NAALADL2: variants seen among roughly 807,000 people sequenced by gnomAD.
The protein encoded by NAALADL2 is inactive N-acetylated-alpha-linked acidic dipeptidase-like protein 2.
A neutral mutation model predicts 87.2 loss-of-function variants in NAALADL2; 76 were observed. The observed-to-expected ratio is 0.87, with a 90% CI of 0.72 to 1.05. The LOEUF (loss-of-function observed/expected upper bound fraction) is 1.05. NAALADL2 is among the 50% of genes least tolerant of loss of function. The pLI, the probability that NAALADL2 is intolerant of heterozygous loss-of-function variation, is 0.00. For missense variants in NAALADL2, 1,089 were observed against 945.8 expected (o/e 1.15, Z -1.99); for synonymous variants, 354 against 331.0 (o/e 1.07, Z -0.75).
chr3:175,730,433 TATATATATATAC>T lies in NAALADL2; in HGVS notation c.1897-6871_1897-6860del, dbSNP rs1476002103. On this transcript the variant is annotated intron_variant, in intron 11 of 13. Coordinates refer to ENST00000454872, the MANE Select transcript of NAALADL2 (RefSeq NM_207015.3). Reference sequence around the variant, plus strand: ...ATATATATATATATATATATATATATATATATATATACACACATACACACGCACACACACACG... The same window carrying T: ...ATATATATATATATATATATATATATACACATACACACGCACACACACACG... Among the ~76,000 whole-genome samples the T allele has an allele frequency of 2.6e-3, 215 of 84,026 alleles. 2 individuals carry two copies. The highest frequency in any genetic ancestry group is 6.8e-3 in the Middle Eastern group (1 of 148). The allele number at this position is 84,026 out of a possible 152,430, so 55.1% of individuals were successfully genotyped here.
chr3:175,046,853 C>T lies in NAALADL2; in HGVS notation c.44-49937C>T, dbSNP rs114166969. On this transcript the variant is annotated intron_variant, in intron 1 of 13. Coordinates refer to ENST00000454872, the MANE Select transcript of NAALADL2 (RefSeq NM_207015.3). ...TAGTGAAAGCCAGCAACCTAGAAGTCGGCCTTGGTCTGTTTAGGCTATTAC... is the reference window on the plus strand; with the variant it reads ...TAGTGAAAGCCAGCAACCTAGAAGTTGGCCTTGGTCTGTTTAGGCTATTAC... Among the ~76,000 whole-genome samples, 128 of 152,244 alleles carry T rather than the reference C, an allele frequency of 8.4e-4. 1 individual carries two copies. The highest frequency in any genetic ancestry group is 2.8e-3 in the African/African-American group (118 of 41,532).
At chr3:174,694,528 T>C (rs754656912) in intron 2 of NAALADL2, among the ~76,000 whole-genome samples, 1 of 152,060 alleles carries the variant, frequency 6.6e-6, no homozygotes, top group Admixed American at 6.6e-5. Context: ...AGGCTTCACT[T>C]TGAGGGCAGT....
intron 3 of NAALADL2, among the ~76,000 whole-genome samples, chr3:174,802,013 T>G (rs1253893147): frequency 6.6e-6 from 1 of 152,098 alleles, no homozygotes; most frequent in African/African-American, 2.4e-5. Context: ...TTACCCACAT[T>G]TTAAAAATAC....
At chr3:175,798,071 G>A (rs1317769235) in intron 13 of NAALADL2, among the ~76,000 whole-genome samples, 1 of 151,910 alleles carries the variant, frequency 6.6e-6, no homozygotes, top group Non-Finnish European at 1.5e-5. Flanking sequence ...TATGTAAGCA[G>A]GAAGCTAAGT....
intron 1 of NAALADL2, among the ~76,000 whole-genome samples, chr3:175,082,042 ATGTGTATGTGTGTGTG>A (rs1717952395): frequency 1.7e-5 from 2 of 120,542 alleles, no homozygotes; most frequent in Admixed American, 1.7e-4. Context: ...TTGTGTGTGT[ATGTGTATGTGTGTGTG>A]TGTGTATGTG....
chr3:175,670,426 A>T (rs1733791891), intron 11 of NAALADL2, among the ~76,000 whole-genome samples: 1 of 145,878 alleles, frequency 6.9e-6, no homozygotes, highest in Non-Finnish European at 1.5e-5. Context: ...TAAATTTAAT[A>T]TATTTATATT....
intron 2 of NAALADL2, among the ~76,000 whole-genome samples, chr3:174,677,810 A>G (rs367647795): frequency 2.6e-5 from 4 of 152,048 alleles, no homozygotes; most frequent in Non-Finnish European, 4.4e-5. Context: ...GCCGTCTTGC[A>G]TCTAGAAATA....
At chr3:175,250,169 T>TAA (rs746924726) in intron 3 of NAALADL2, among the ~76,000 whole-genome samples, 15 of 124,700 alleles carry the variant, frequency 1.2e-4, no homozygotes, top group African/African-American at 3.8e-4. Flanking sequence ...AATTCGGTCT[T>TAA]AAAAAAAAAA....
intron 2 of NAALADL2, among the ~76,000 whole-genome samples, chr3:174,730,268 A>T (rs1186730995): frequency 6.6e-6 from 1 of 151,970 alleles, no homozygotes; most frequent in Non-Finnish European, 1.5e-5. Flanking sequence ...TCCTCTTTGA[A>T]TTTGTTCTGT....
chr3:174,828,511 A>T (rs1722253175), intron 3 of NAALADL2, among the ~76,000 whole-genome samples: 1 of 152,194 alleles, frequency 6.6e-6, no homozygotes, highest in Non-Finnish European at 1.5e-5. Flanking sequence ...AGTGAAACTA[A>T]AGTTGCTGTA....
At chr3:174,806,626 T>C (rs1719535349) in intron 3 of NAALADL2, among the ~76,000 whole-genome samples, 1 of 152,214 alleles carries the variant, frequency 6.6e-6, no homozygotes. Flanking sequence ...CAGAGATTTG[T>C]CCAGATGCAC....
chr3:175,335,706 T>C (rs537192951), intron 5 of NAALADL2, among the ~76,000 whole-genome samples: 28 of 152,338 alleles, frequency 1.8e-4, no homozygotes, highest in African/African-American at 5.0e-4. Context: ...ACAATTTCAT[T>C]TGAGAGATGT....
rs528223583 is a variant in NAALADL2 at position 175,689,994 on chromosome 3, C to T, written c.1897-47312C>T. Among the ~76,000 whole-genome samples, 5 of 152,120 alleles carry T rather than the reference C, an allele frequency of 3.3e-5. No homozygotes were observed. The South Asian group carries it at 1.0e-3, about 32-fold the overall frequency. On this transcript the variant is annotated intron_variant, in intron 11 of 13. Coordinates refer to ENST00000454872, the MANE Select transcript of NAALADL2 (RefSeq NM_207015.3). Reference sequence around the variant, plus strand: ...ATATACTGAAATGCCCTTCAGAAAACCACGGAGCTTTCATAATACTTCCTG... The same window carrying T: ...ATATACTGAAATGCCCTTCAGAAAATCACGGAGCTTTCATAATACTTCCTG...
chr3:174,811,565 C>T (rs1320096170), intron 3 of NAALADL2, among the ~76,000 whole-genome samples: 3 of 152,178 alleles, frequency 2.0e-5, no homozygotes, highest in Non-Finnish European at 4.4e-5. Flanking sequence ...AATGCCTATA[C>T]CCCTGTTGTA....
chr3:174,709,332 T>A lies in NAALADL2; in HGVS notation c.-114-28309T>A, dbSNP rs555611120. ...GTGTCTTTCATCATGTTCATTGTTA[T>A]AATATAAAAATATATCCACTGCTAG... On this transcript the variant is annotated intron_variant, in intron 2 of 3. Transcript: ENST00000434257. 2.0e-5 allele frequency among the ~76,000 whole-genome samples: 3 copies of A among 152,260 alleles called. No homozygotes were observed. In the East Asian group the frequency reaches 5.8e-4, roughly 29 times the overall value.
At chr3:174,612,014 G>A (rs1305864463) in intron 2 of NAALADL2, among the ~76,000 whole-genome samples, 1 of 151,600 alleles carries the variant, frequency 6.6e-6, no homozygotes, top group African/African-American at 2.4e-5. Context: ...CTTTGTCTGA[G>A]AAAATCTTTA....
At chr3:174,761,786 A>T (rs530677001) in intron 3 of NAALADL2, among the ~76,000 whole-genome samples, 5 of 116,834 alleles carry the variant, frequency 4.3e-5, no homozygotes, top group Non-Finnish European at 8.3e-5. Flanking sequence ...CAGTCCCTGG[A>T]GTGTGATGTT....
At chr3:175,416,699 G>T (rs116232342) in intron 5 of NAALADL2, among the ~76,000 whole-genome samples, 1 of 152,048 alleles carries the variant, frequency 6.6e-6, no homozygotes. Flanking sequence ...TGTCACTAGC[G>T]TGTAAACTTT....
At chr3:175,476,689 C>T (rs936964159) in intron 9 of NAALADL2, among the ~76,000 whole-genome samples, 2 of 152,068 alleles carry the variant, frequency 1.3e-5, no homozygotes, top group Non-Finnish European at 2.9e-5. Context: ...TGTGTGAGGG[C>T]GACTAAAATG....
Sources: gnomAD v4.1 joint callset for allele counts (sites outside exome capture counted in the v4.1 genomes callset) on GRCh38, gnomAD v4.1.1 for gene constraint, MANE v1.5 for transcripts, NCBI Gene and HGNC (gene_info 2026-07-23, HGNC 2026-07-21) for gene names.